FRMPD4: variants seen among roughly 807,000 people sequenced by gnomAD.
FRMPD4 encodes the protein FERM and PDZ domain-containing protein 4.
A neutral mutation model predicts 94.1 loss-of-function variants in FRMPD4; 22 were observed. The observed-to-expected ratio is 0.23, with a 90% CI of 0.17 to 0.33. The LOEUF (loss-of-function observed/expected upper bound fraction) is 0.33. Ranked by LOEUF, FRMPD4 falls within the 10% of genes least tolerant of loss-of-function variation. FRMPD4 has a pLI of 1.00. For missense variants in FRMPD4, 1,111 were observed against 1,339.9 expected, an observed-to-expected ratio of 0.83 and a Z score of 2.67; for synonymous variants, 631 against 548.6, an observed-to-expected ratio of 1.15 and a Z score of -2.10.
rs760826233 is a variant in FRMPD4 at position 12,042,242 on chromosome X, G to A, written c.95+164224G>A. 6.4e-5 allele frequency among the ~76,000 whole-genome samples: 7 copies of A among 109,257 alleles called. No homozygotes were observed. In the Admixed American group the frequency reaches 6.8e-4, roughly 11 times the overall value. 94.9% of individuals were successfully genotyped at this position (109,257 alleles called of 115,157 possible). A position where few individuals can be genotyped will look rare whatever the true frequency, so the allele number is the denominator to read the frequency against. ...TTTTTTTTTTTTTCCCAGAGTGTGG[G>A]AAACACTTTCCTATTCTTTTGCATG... On this transcript the variant is annotated intron_variant, in intron 3 of 18. Transcript: ENST00000640291.
At chrX:11,853,374 G>T (rs1601806074) in intron 1 of FRMPD4, among the ~76,000 whole-genome samples, 1 of 110,834 alleles carries the variant, frequency 9.0e-6, no homozygotes, top group African/African-American at 3.3e-5. Flanking sequence ...AAAGCTAGCA[G>T]AAAACAAGAA....
intron 3 of FRMPD4, among the ~76,000 whole-genome samples, chrX:12,129,617 T>A (rs758066786): frequency 3.6e-5 from 4 of 111,722 alleles, no homozygotes; most frequent in Non-Finnish European, 5.6e-5. Context: ...CATCCTCTTA[T>A]CTCCACCTCT....
chrX:12,129,259 T>C (rs1298847495), intron 3 of FRMPD4, among the ~76,000 whole-genome samples: 1 of 111,796 alleles, frequency 8.9e-6, no homozygotes, highest in Non-Finnish European at 1.9e-5. Flanking sequence ...TTCTGCATGG[T>C]TGGGGAGGCC....
rs1164930336 is a variant in FRMPD4 at position 12,180,798 on chromosome X, T to A, written c.41+41786T>A. ...ATAGACAGTATGGAATGAAAACGGG[T>A]GTGTGTATGTTCCAATAAAACTTTA... On this transcript the variant is annotated intron_variant, in intron 1 of 16. Coordinates refer to ENST00000675598, the MANE Select transcript of FRMPD4 (RefSeq NM_001368397.1). 2.7e-5 allele frequency among the ~76,000 whole-genome samples: 3 copies of A among 111,813 alleles called. No individual in the cohort carries two copies. The Admixed American group carries it at 2.8e-4, about 11-fold the overall frequency.
intron 1 of FRMPD4, among the ~76,000 whole-genome samples, chrX:12,382,323 C>T (rs1207835030): frequency 1.8e-5 from 2 of 110,980 alleles, no homozygotes; most frequent in East Asian, 5.7e-4. Flanking sequence ...TCCAAAGGAT[C>T]GCCGGGCAGA....
intron 1 of FRMPD4, among the ~76,000 whole-genome samples, chrX:11,825,190 TTGTGTGTGTGTGTGTGTGTGTG>T (rs747320680): frequency 7.5e-5 from 6 of 80,162 alleles, no homozygotes; most frequent in African/African-American, 2.4e-4. Flanking sequence ...TGTGTCTTCT[TTGTGTGTGTGTGTGTGTGTGTG>T]TGTGTGTGTG....
chrX:12,315,293 C>T (rs955829557), intron 1 of FRMPD4, among the ~76,000 whole-genome samples: 12 of 112,210 alleles, frequency 1.1e-4, no homozygotes, highest in Admixed American at 1.0e-3. Flanking sequence ...TCTGGAAACC[C>T]CATTTCAAAA....
At chrX:12,234,689 A>G (rs746548332) in intron 1 of FRMPD4, among the ~76,000 whole-genome samples, 2 of 112,544 alleles carry the variant, frequency 1.8e-5, no homozygotes, top group African/African-American at 6.5e-5. Flanking sequence ...CTTTCATTTA[A>G]AATGCAATTA....
chrX:12,355,653 A>T (rs916073982), intron 1 of FRMPD4, among the ~76,000 whole-genome samples: 5 of 111,803 alleles, frequency 4.5e-5, no homozygotes, highest in African/African-American at 1.6e-4. Flanking sequence ...TTTCAAGATG[A>T]GTGTGAGTAG....
chrX:12,160,067 G>GT (rs2055998540), intron 1 of FRMPD4, among the ~76,000 whole-genome samples: 1 of 85,657 alleles, frequency 1.2e-5, no homozygotes, highest in African/African-American at 4.9e-5. Context: ...AGATGTTGAG[G>GT]GGTGTGTGTG....
intron 3 of FRMPD4, among the ~76,000 whole-genome samples, chrX:12,031,579 C>T (rs1445465541): frequency 9.0e-6 from 1 of 111,264 alleles, no homozygotes; most frequent in Non-Finnish European, 1.9e-5. Context: ...GATGTTTTCT[C>T]GTTGTCACAG....
At chrX:12,303,365 TA>T (rs771408611) in intron 1 of FRMPD4, among the ~76,000 whole-genome samples, 1 of 112,169 alleles carries the variant, frequency 8.9e-6, no homozygotes, top group African/African-American at 3.2e-5. Context: ...AGAGTAAAAT[TA>T]ATCAGTTATA....
chrX:12,218,796 TGGG>T (rs1338249311), intron 1 of FRMPD4, among the ~76,000 whole-genome samples: 4 of 112,335 alleles, frequency 3.6e-5, no homozygotes, highest in African/African-American at 1.3e-4. Context: ...CCATTGCAGT[TGGG>T]GGCCTGTGAA....
chrX:11,844,741 AAT>A (rs2053563556), intron 1 of FRMPD4, among the ~76,000 whole-genome samples: 1 of 111,918 alleles, frequency 8.9e-6, no homozygotes, highest in Admixed American at 9.4e-5. Flanking sequence ...TGCACTTATA[AAT>A]TAATGTTTTA....
chrX:12,106,107 T>A (rs912573769), intron 3 of FRMPD4, among the ~76,000 whole-genome samples: 12 of 111,467 alleles, frequency 1.1e-4, no homozygotes, highest in Non-Finnish European at 1.9e-4. Context: ...CGATAACAGA[T>A]CAATAAATGA....
At chrX:11,888,609 A>T (rs1000190170) in intron 3 of FRMPD4, among the ~76,000 whole-genome samples, 10 of 111,788 alleles carry the variant, frequency 8.9e-5, no homozygotes, top group African/African-American at 2.9e-4. Context: ...TCCAAGTTTA[A>T]GTTATACAGG....
At chrX:11,921,335 T>C (rs2054055050) in intron 3 of FRMPD4, among the ~76,000 whole-genome samples, 1 of 112,246 alleles carries the variant, frequency 8.9e-6, no homozygotes, top group African/African-American at 3.2e-5. Flanking sequence ...TGTGCATTCC[T>C]GGTGTCTCTT....
At chrX:12,049,421 A>G (rs758497619) in intron 3 of FRMPD4, among the ~76,000 whole-genome samples, 171 of 111,356 alleles carry the variant, frequency 1.5e-3, no homozygotes, top group Admixed American at 2.9e-3. Context: ...ATAGAGTCAT[A>G]TTATCAGCAG....
chrX:11,868,889 C>A (rs1360588728), intron 2 of FRMPD4, among the ~76,000 whole-genome samples: 1 of 112,540 alleles, frequency 8.9e-6, no homozygotes, highest in Non-Finnish European at 1.9e-5. Flanking sequence ...AACAGCAGAG[C>A]TGAATGGCTG....
Sources: allele counts gnomAD v4.1 joint callset (sites outside exome capture counted in the v4.1 genomes callset), GRCh38; gene constraint gnomAD v4.1.1; transcripts MANE v1.5; gene names NCBI Gene and HGNC (gene_info 2026-07-23, HGNC 2026-07-21).